SIPA1L3: variants seen among roughly 807,000 people sequenced by gnomAD.
SIPA1L3 encodes signal-induced proliferation-associated 1-like protein 3.
Under a neutral mutation model 150.1 loss-of-function variants are expected in SIPA1L3, and 59 were observed. The ratio of observed to expected loss-of-function variants is 0.39; its 90% CI spans 0.32 to 0.49. SIPA1L3 has a LOEUF of 0.49. Among genes scored for constraint, SIPA1L3 ranks in the 20% least tolerant of loss-of-function variants. The probability of loss-of-function intolerance (pLI) is 0.86; values close to 1 mark genes in which losing one functional copy is unlikely to be tolerated. For synonymous variants in SIPA1L3, 1,070 were observed against 1,077.6 expected (o/e 0.99, Z 0.14); for missense variants, 2,211 against 2,489.5 (o/e 0.89, Z 2.38).
At chr19:37,960,057 G>GA (rs1315367481) in intron 1 of SIPA1L3, among the ~76,000 whole-genome samples, 1 of 151,920 alleles carries the variant, frequency 6.6e-6, no homozygotes, top group Admixed American at 6.6e-5. Flanking sequence ...GAGAAGAAAA[G>GA]AAAAAATGTA....
chr19:38,036,461 G>A (rs911021406), intron 2 of SIPA1L3, among the ~76,000 whole-genome samples: 2 of 152,220 alleles, frequency 1.3e-5, no homozygotes, highest in African/African-American at 2.4e-5. Flanking sequence ...CCTGTCTGAA[G>A]GCAGTGGAGG....
intron 12 of SIPA1L3, among the ~76,000 whole-genome samples, chr19:38,146,906 G>T (rs1304147414): frequency 6.6e-6 from 1 of 152,030 alleles, no homozygotes; most frequent in East Asian, 1.9e-4. Flanking sequence ...TTCTAATTGG[G>T]TGTGATGGTG....
At chr19:38,079,134 C>T (rs866276624) in intron 2 of SIPA1L3, among the ~76,000 whole-genome samples, 1 of 152,306 alleles carries the variant, frequency 6.6e-6, no homozygotes, top group East Asian at 1.9e-4. Context: ...AGATCGAGAC[C>T]ATCCTGGCTA....
chr19:38,192,504 G>C (rs1445949843), intron 17 of SIPA1L3, among the ~76,000 whole-genome samples, 194 bp downstream of exon 17: 2 of 152,204 alleles, frequency 1.3e-5, no homozygotes, highest in African/African-American at 2.4e-5. Flanking sequence ...GCATTGGTCT[G>C]GGATGGAATC....
chr19:38,196,846 C>T (rs1452493244), intron 18 of SIPA1L3, among the ~76,000 whole-genome samples: 1 of 152,192 alleles, frequency 6.6e-6, no homozygotes, highest in African/African-American at 2.4e-5. Context: ...CTGCACACCA[C>T]ATATCACAGA....
At position 37,947,304 on chromosome 19, in the gene SIPA1L3, A is replaced by G. The variant is rs184591459; in HGVS notation, c.-379+39946A>G. Among the ~76,000 whole-genome samples the G allele has an allele frequency of 4.2e-3, 642 of 151,602 alleles. 3 individuals carry two copies. Among genetic ancestry groups the G allele is most frequent in the East Asian group, 0.019 (98 of 5,120 alleles). On this transcript the variant is annotated intron_variant, in intron 1 of 21. Coordinates refer to ENST00000222345, the MANE Select transcript of SIPA1L3 (RefSeq NM_015073.3). ...GGAGATCGAGACCATCCTGGCTAAC[A>G]TGGTGAAACTTCGTCTCTACTAAAA...
chr19:38,126,928 C>G (rs1415977463), intron 9 of SIPA1L3, among the ~76,000 whole-genome samples: 1 of 151,910 alleles, frequency 6.6e-6, no homozygotes, highest in Non-Finnish European at 1.5e-5. Context: ...TGCAGTGGCT[C>G]ACACCTGTAA....
chr19:38,081,438 G>T lies in SIPA1L3; in HGVS notation c.-128G>T. ...GACTCCACAGGCTCACAACCTTCCT[G>T]TCAGGTTTCAGGGCCCAGCATCCTT... is the stretch of plus-strand genomic sequence containing the variant. On this transcript the variant is annotated 5_prime_UTR_variant, in exon 3 of 22. Transcript: ENST00000222345. The T allele has an allele frequency of 1.2e-6, 1 of 856,252 alleles. No individual in the cohort carries two copies. Among genetic ancestry groups the T allele is most frequent in the Non-Finnish European group, 1.8e-6 (1 of 564,458 alleles). The allele number at this position is 856,252 out of a possible 1,614,324, so 53.0% of individuals were successfully genotyped here. A position where few individuals can be genotyped will look rare whatever the true frequency, so the allele number is the denominator to read the frequency against.
intron 2 of SIPA1L3, among the ~76,000 whole-genome samples, chr19:38,052,962 C>T (rs897257939): frequency 6.6e-6 from 1 of 152,234 alleles, no homozygotes; most frequent in Non-Finnish European, 1.5e-5. Context: ...GGAGTATTCT[C>T]AGGGAGCCCC....
At chr19:38,098,548 C>T (rs1970431414) in intron 4 of SIPA1L3, among the ~76,000 whole-genome samples, 1 of 152,122 alleles carries the variant, frequency 6.6e-6, no homozygotes, top group Non-Finnish European at 1.5e-5. Flanking sequence ...GCATGCACCA[C>T]CAGGCCCAGC....
intron 2 of SIPA1L3, among the ~76,000 whole-genome samples, chr19:38,050,718 G>A (rs184236744): frequency 4.6e-5 from 7 of 152,072 alleles, no homozygotes; most frequent in Non-Finnish European, 5.9e-5. Flanking sequence ...CATTTGAGTC[G>A]AGTGCTGTAT....
intron 1 of SIPA1L3, chr19:37,907,799 G>C (rs1451862449): frequency 6.6e-6 from 1 of 152,226 alleles, no homozygotes; most frequent in Non-Finnish European, 1.5e-5. Flanking sequence ...AGATGTTATC[G>C]ATTGCATAGG....
At chr19:38,167,431 C>T (rs185898387) in intron 15 of SIPA1L3, among the ~76,000 whole-genome samples, 7 of 152,186 alleles carry the variant, frequency 4.6e-5, no homozygotes, top group Non-Finnish European at 8.8e-5. Flanking sequence ...CAGCACTTCC[C>T]CGGGCACACT....
At chr19:37,909,664 A>AT (rs1263115384) in intron 1 of SIPA1L3, among the ~76,000 whole-genome samples, 2 of 152,176 alleles carry the variant, frequency 1.3e-5, no homozygotes, top group Non-Finnish European at 2.9e-5. Context: ...CAGTTCTGTG[A>AT]TTTTAGCCTG....
intron 1 of SIPA1L3, among the ~76,000 whole-genome samples, chr19:38,007,333 A>T (rs1041447642): frequency 2.9e-4 from 44 of 151,888 alleles, no homozygotes; most frequent in Non-Finnish European, 5.2e-4. Flanking sequence ...CGCACCTGTA[A>T]TCCCAGCTAC....
At chr19:38,050,780 T>C (rs1362685009) in intron 2 of SIPA1L3, among the ~76,000 whole-genome samples, 2 of 152,142 alleles carry the variant, frequency 1.3e-5, no homozygotes, top group Non-Finnish European at 2.9e-5. Flanking sequence ...ATGTGTGCGC[T>C]GGGCATGGTG....
At position 38,119,416 on chromosome 19, in the gene SIPA1L3, T is replaced by G; in HGVS notation, c.2402T>G (p.Ile801Ser). ...AGAGACTTCTTGCTGGCCAAGGTGA[T>G]TAACGCTGAGAACGCCGCGCACAAG... is the stretch of plus-strand genomic sequence containing the variant. Reference protein sequence around the residue: ...VFRDFLLAKVINAENAAHKSD... With the variant: ...VFRDFLLAKVSNAENAAHKSD... Residue 801 changes from isoleucine (I) to serine (S), a missense_variant, in exon 9 of 22, where the codon ATT (isoleucine) becomes AGT (serine). By Grantham distance (142) the Ile-to-Ser change is moderately radical. Coordinates refer to ENST00000222345, the MANE Select transcript of SIPA1L3 (RefSeq NM_015073.3). 1 of 1,614,044 alleles carries G rather than the reference T, an allele frequency of 6.2e-7. No homozygotes were observed. Among genetic ancestry groups the G allele is most frequent in the Non-Finnish European group, 8.5e-7 (1 of 1,180,010 alleles).
chr19:38,000,929 TATA>T (rs1260747632), intron 1 of SIPA1L3, among the ~76,000 whole-genome samples: 1 of 131,082 alleles, frequency 7.6e-6, no homozygotes, highest in Non-Finnish European at 1.6e-5. Context: ...ATAACATATA[TATA>T]ACATATATAA....
chr19:38,192,141 C>T lies in SIPA1L3; in HGVS notation c.4431-4C>T. ...CCCCTCTGACCCTGACGCTGTCATT[C>T]CAGGCAGGTGGACACGAACACCAAA... On this transcript the variant is annotated splice_region_variant and splice_polypyrimidine_tract_variant and intron_variant, in intron 16 of 21. Transcript: ENST00000222345. The T allele has an allele frequency of 6.3e-7, 1 of 1,597,048 alleles. No individual in the cohort carries two copies. The highest frequency in any genetic ancestry group is 8.5e-7 in the Non-Finnish European group (1 of 1,172,484).
Sources: allele counts gnomAD v4.1 joint callset (sites outside exome capture counted in the v4.1 genomes callset), GRCh38; gene constraint gnomAD v4.1.1; transcripts MANE v1.5; gene names NCBI Gene and HGNC (gene_info 2026-07-23, HGNC 2026-07-21).